DMD: variants seen among roughly 807,000 people sequenced by gnomAD.
DMD encodes dystrophin, also known as mutant dystrophin.
Under a neutral mutation model 330.1 loss-of-function variants are expected in DMD, and 63 were observed. The observed-to-expected ratio is 0.19, with a 90% CI of 0.16 to 0.24. DMD has a LOEUF of 0.24. DMD is among the 10% of genes least tolerant of loss of function. The pLI is 1.00. For missense variants in DMD, 3,344 were observed against 2,684.1 expected (o/e 1.25, Z -5.43); for synonymous variants, 1,223 against 959.8 (o/e 1.27, Z -5.07).
At chrX:33,200,400 G>A (rs1416599242) in intron 1 of DMD, among the ~76,000 whole-genome samples, 2 of 111,188 alleles carry the variant, frequency 1.8e-5, no homozygotes, top group African/African-American at 3.3e-5. Flanking sequence ...TAATGTGTAT[G>A]TATGTGTGCC....
At chrX:31,426,936 T>C (rs1177668681) in intron 60 of DMD, among the ~76,000 whole-genome samples, 1 of 112,487 alleles carries the variant, frequency 8.9e-6, no homozygotes, top group Non-Finnish European at 1.9e-5. Context: ...GAATCATCAA[T>C]GTTCTTTCAG....
At chrX:31,338,752 A>G (rs68014858) in intron 61 of DMD, among the ~76,000 whole-genome samples, 30,742 of 109,280 alleles carry the variant, frequency 0.28, 3,331 homozygotes, top group East Asian at 0.57. Context: ...TTTCCTGGAA[A>G]ATGGGAATTC....
At chrX:32,741,741 G>C (rs1241046943) in intron 7 of DMD, among the ~76,000 whole-genome samples, 2 of 111,557 alleles carry the variant, frequency 1.8e-5, no homozygotes, top group Non-Finnish European at 3.8e-5. Context: ...CACAATATTT[G>C]GTTGCATAGT....
intron 5 of DMD, among the ~76,000 whole-genome samples, chrX:32,819,223 C>T (rs752337042): frequency 9.0e-6 from 1 of 110,800 alleles, no homozygotes; most frequent in Non-Finnish European, 1.9e-5. Flanking sequence ...ACAGAAGTGA[C>T]TTGGTAGGCA....
At chrX:32,305,078 G>A (rs189427121) in intron 42 of DMD, among the ~76,000 whole-genome samples, 6 of 111,137 alleles carry the variant, frequency 5.4e-5, no homozygotes, top group African/African-American at 9.8e-5. Context: ...ATTACAATAC[G>A]CATATAAACA....
At chrX:31,500,587 C>G (rs1409483086) in intron 56 of DMD, among the ~76,000 whole-genome samples, 1 of 112,177 alleles carries the variant, frequency 8.9e-6, no homozygotes, top group African/African-American at 3.2e-5. Flanking sequence ...TTTTTATTTT[C>G]ATGAGTGTAT....
intron 61 of DMD, among the ~76,000 whole-genome samples, chrX:31,346,336 G>C (rs1387622709): frequency 4.5e-5 from 5 of 110,735 alleles, no homozygotes; most frequent in Non-Finnish European, 9.4e-5. Flanking sequence ...GATTAAACTA[G>C]TTAAAATCTG....
chrX:32,470,447 G>C (rs2040506811), intron 22 of DMD, among the ~76,000 whole-genome samples: 1 of 106,957 alleles, frequency 9.3e-6, no homozygotes, highest in Non-Finnish European at 1.9e-5. Context: ...TGGGGGAAAT[G>C]TTCATATCTT....
At chrX:33,313,192 A>C (rs2053876251) in intron 1 of DMD, among the ~76,000 whole-genome samples, 1 of 112,146 alleles carries the variant, frequency 8.9e-6, no homozygotes. Flanking sequence ...GAACTCCCAA[A>C]CACAGAATGT....
At chrX:31,385,328 A>C (rs2060397730) in intron 60 of DMD, among the ~76,000 whole-genome samples, 1 of 111,709 alleles carries the variant, frequency 9.0e-6, no homozygotes, top group Non-Finnish European at 1.9e-5. Flanking sequence ...TGCTATGGAG[A>C]GCACCTTCAG....
In DMD at chrX:31,229,321, T is replaced by C. The variant is rs776521352; in HGVS notation, c.9287-6200A>G. 3.6e-5 allele frequency among the ~76,000 whole-genome samples: 4 copies of C among 112,270 alleles called. No individual in the cohort carries two copies. The East Asian group carries it at 1.1e-3, about 31-fold the overall frequency. ...TAGCTGGTTTCTGTCTTTTTAATAA[T>C]ACTGCAAAAATCCTACTATCTCTGA... On this transcript the variant is annotated intron_variant, in intron 63 of 78. Transcript: ENST00000357033.
Position 33,174,850 on chromosome X carries a change from A to C in DMD, c.31+36432T>G, listed in dbSNP as rs2049560390. ...ATCTGTTTAAAAAATAATAGTAGCC[A>C]CAAATATTCTCAAATGATCATGCAT... On this transcript the variant is annotated intron_variant, in intron 1 of 78. Coordinates refer to ENST00000357033, the MANE Select transcript of DMD (RefSeq NM_004006.3). Among the ~76,000 whole-genome samples, 4 of 112,314 alleles carry C rather than the reference A, an allele frequency of 3.6e-5. No individual in the cohort carries two copies. In the Admixed American group the frequency reaches 3.8e-4, roughly 11 times the overall value.
chrX:32,910,578 G>A (rs974792493), intron 2 of DMD, among the ~76,000 whole-genome samples: 4 of 110,381 alleles, frequency 3.6e-5, no homozygotes, highest in African/African-American at 1.3e-4. Flanking sequence ...GGGATTCCAG[G>A]TGCCCGCCGC....
At chrX:31,463,163 A>T (rs1247495015) in intron 59 of DMD, among the ~76,000 whole-genome samples, 2 of 112,299 alleles carry the variant, frequency 1.8e-5, no homozygotes, top group Admixed American at 1.9e-4. Context: ...ATGTCAGGCT[A>T]TGTCTTCTAT....
intron 44 of DMD, among the ~76,000 whole-genome samples, chrX:32,087,110 T>C (rs770647827): frequency 1.8e-5 from 2 of 111,795 alleles, no homozygotes; most frequent in Non-Finnish European, 3.8e-5. Flanking sequence ...GAGTATAATG[T>C]AAAATAAAAA....
chrX:32,729,824 G>A (rs1334890319), intron 7 of DMD, among the ~76,000 whole-genome samples: 1 of 111,628 alleles, frequency 9.0e-6, no homozygotes, highest in Admixed American at 9.6e-5. Flanking sequence ...TCTCAGCAGG[G>A]CATTCAACAT....
intron 1 of DMD, among the ~76,000 whole-genome samples, chrX:33,067,349 G>T (rs1417394984): frequency 8.9e-6 from 1 of 112,253 alleles, no homozygotes. Context: ...ATTACTAATT[G>T]GAATGGGACA....
intron 44 of DMD, among the ~76,000 whole-genome samples, chrX:32,050,232 T>C (rs6631471): frequency 0.36 from 39,036 of 109,799 alleles, 5,489 homozygotes; most frequent in East Asian, 0.52. Context: ...GAGCATGGAT[T>C]ATGTTTTTTT....
chrX:32,888,942 G>A (rs2084928876), intron 2 of DMD, among the ~76,000 whole-genome samples: 1 of 110,252 alleles, frequency 9.1e-6, no homozygotes, highest in South Asian at 3.9e-4. Flanking sequence ...GGAAAAAAAT[G>A]TGAAATATAG....
Sources: gnomAD v4.1 joint callset for allele counts (sites outside exome capture counted in the v4.1 genomes callset) on GRCh38, gnomAD v4.1.1 for gene constraint, MANE v1.5 for transcripts, NCBI Gene and HGNC (gene_info 2026-07-23, HGNC 2026-07-21) for gene names.